Variants in PCDH9 observed in about 807,000 individuals in gnomAD.
PCDH9 encodes the protein protocadherin-9.
A neutral mutation model predicts 70.6 loss-of-function variants in PCDH9; 24 were observed. That is an observed-to-expected ratio of 0.34 (90% confidence interval 0.25 to 0.48). The LOEUF is 0.48. Ranked by LOEUF, PCDH9 falls within the 20% of genes least tolerant of loss-of-function variation. The probability of loss-of-function intolerance (pLI) is 0.99; values close to 1 mark genes in which losing one functional copy is unlikely to be tolerated. For synonymous variants in PCDH9, 562 were observed against 558.5 expected, an observed-to-expected ratio of 1.01 and a Z score of -0.09; for missense variants, 1,281 against 1,503.6, an observed-to-expected ratio of 0.85 and a Z score of 2.45.
At chr13:66,975,487 A>G (rs2083600610) in intron 2 of PCDH9, among the ~76,000 whole-genome samples, 1 of 152,084 alleles carries the variant, frequency 6.6e-6, no homozygotes, top group African/African-American at 2.4e-5. Context: ...TAGTTAGGAA[A>G]ACAAAAGCAC....
chr13:66,553,452 T>C (rs1252442442), intron 4 of PCDH9, among the ~76,000 whole-genome samples: 2 of 152,184 alleles, frequency 1.3e-5, no homozygotes, highest in Non-Finnish European at 2.9e-5. Context: ...ATGTACTAAA[T>C]TGTAGTATGT....
At chr13:66,564,898 T>A (rs2138720783) in intron 4 of PCDH9, among the ~76,000 whole-genome samples, 1 of 151,982 alleles carries the variant, frequency 6.6e-6, no homozygotes, top group Admixed American at 6.6e-5. Context: ...ACCCTGAGGA[T>A]TTCTTTGTCC....
intron 4 of PCDH9, among the ~76,000 whole-genome samples, chr13:66,361,827 G>A (rs1175525115): frequency 6.6e-6 from 1 of 152,112 alleles, no homozygotes; most frequent in African/African-American, 2.4e-5. Flanking sequence ...TGCAATGATA[G>A]CCGCTGCCTT....
intron 4 of PCDH9, among the ~76,000 whole-genome samples, chr13:66,451,482 T>G (rs927748634): frequency 6.6e-6 from 1 of 152,222 alleles, no homozygotes; most frequent in African/African-American, 2.4e-5. Flanking sequence ...TGCCTTTCTC[T>G]TCTAAATTAT....
chr13:67,173,368 T>A (rs1240825446), intron 2 of PCDH9, among the ~76,000 whole-genome samples: 1 of 152,024 alleles, frequency 6.6e-6, no homozygotes, highest in Non-Finnish European at 1.5e-5. Context: ...AATCAGAAAA[T>A]GTAGGGGTGA....
At chr13:66,588,751 C>T (rs184165512) in intron 4 of PCDH9, among the ~76,000 whole-genome samples, 15 of 151,230 alleles carry the variant, frequency 9.9e-5, no homozygotes, top group Admixed American at 8.6e-4. Flanking sequence ...TCATGAAATG[C>T]AATATAGCTG....
intron 2 of PCDH9, among the ~76,000 whole-genome samples, chr13:66,974,501 G>A (rs918373603): frequency 4.6e-5 from 7 of 151,962 alleles, no homozygotes; most frequent in Admixed American, 6.6e-5. Context: ...AGGGAAGTGG[G>A]TAGATTATAG....
intron 2 of PCDH9, among the ~76,000 whole-genome samples, chr13:67,193,403 C>G (rs1566487380): frequency 6.6e-6 from 1 of 151,734 alleles, no homozygotes; most frequent in Admixed American, 6.6e-5. Context: ...GCACTCTTCC[C>G]TTGTAACACA....
chr13:66,740,120 C>T (rs879465697), intron 3 of PCDH9, among the ~76,000 whole-genome samples: 3 of 146,746 alleles, frequency 2.0e-5, no homozygotes, highest in Non-Finnish European at 4.5e-5. Flanking sequence ...TGTAAAAGAA[C>T]AGAAATTATA....
chr13:66,415,036 T>C (rs975318029), intron 4 of PCDH9, among the ~76,000 whole-genome samples: 4 of 152,130 alleles, frequency 2.6e-5, no homozygotes, highest in African/African-American at 9.7e-5. Flanking sequence ...ATCAAAACTT[T>C]GATTCTGAAA....
In PCDH9 at chr13:66,479,355, T is replaced by G. The variant is rs184886175; in HGVS notation, c.3340+151855A>C. 3.7e-3 allele frequency among the ~76,000 whole-genome samples: 571 copies of G among 152,328 alleles called. 6 individuals carry two copies. The highest frequency in any genetic ancestry group is 5.0e-3 in the Non-Finnish European group (337 of 68,034). On this transcript the variant is annotated intron_variant, in intron 4 of 4. Transcript: ENST00000377865. ...TGCAGCTCATGGATCAAGAAGAAAT[T>G]TTGGCTTCCCGGTCATATTATTTAA... is the stretch of plus-strand genomic sequence containing the variant.
At chr13:67,089,009 A>C (rs569927028) in intron 2 of PCDH9, among the ~76,000 whole-genome samples, 1 of 152,126 alleles carries the variant, frequency 6.6e-6, no homozygotes, top group African/African-American at 2.4e-5. Flanking sequence ...ATTTTCTTGC[A>C]TATTTCCCTT....
At chr13:66,758,418 A>T (rs7321934) in intron 3 of PCDH9, among the ~76,000 whole-genome samples, 59,520 of 151,818 alleles carry the variant, frequency 0.39, 11,919 homozygotes, top group East Asian at 0.58. Context: ...TAACATTTTT[A>T]AAAGTTTTAT....
intron 4 of PCDH9, among the ~76,000 whole-genome samples, chr13:66,499,849 T>A (rs1594071476): frequency 6.6e-6 from 1 of 152,316 alleles, no homozygotes; most frequent in East Asian, 1.9e-4. Flanking sequence ...TGAGTTCTAT[T>A]ATTTCACAAG....
At chr13:66,717,265 GGC>G (rs1253834789) in intron 3 of PCDH9, among the ~76,000 whole-genome samples, 1 of 151,032 alleles carries the variant, frequency 6.6e-6, no homozygotes, top group Non-Finnish European at 1.5e-5. Flanking sequence ...AGACCAGCCT[GGC>G]CAAAATGGCG....
rs117061462 is a variant in PCDH9 at position 66,315,986 on chromosome 13, G to A, written c.3341-10958C>T. 6.3e-3 allele frequency among the ~76,000 whole-genome samples: 966 copies of A among 152,326 alleles called. 9 individuals carry two copies. Among genetic ancestry groups the A allele is most frequent in the Non-Finnish European group, 0.011 (717 of 68,022 alleles). ...AGTCTCACTGGGCTAAAGTCAAGGTGTTGAGAGGGCTGGTTCCTTCTAGAA... is the reference window on the plus strand; with the variant it reads ...AGTCTCACTGGGCTAAAGTCAAGGTATTGAGAGGGCTGGTTCCTTCTAGAA... On this transcript the variant is annotated intron_variant, in intron 4 of 4. Transcript: ENST00000377865.
intron 2 of PCDH9, among the ~76,000 whole-genome samples, chr13:67,028,188 G>T (rs1166519440): frequency 6.8e-6 from 1 of 147,024 alleles, no homozygotes; most frequent in Non-Finnish European, 1.5e-5. Flanking sequence ...AACAGTGATA[G>T]ACTGGATTAA....
At chr13:66,474,380 C>A (rs1185146134) in intron 4 of PCDH9, among the ~76,000 whole-genome samples, 1 of 152,128 alleles carries the variant, frequency 6.6e-6, no homozygotes, top group Admixed American at 6.5e-5. Context: ...AAATTCACTT[C>A]TTCTATCTAA....
intron 4 of PCDH9, among the ~76,000 whole-genome samples, chr13:66,448,364 T>C (rs1958139423): frequency 1.3e-5 from 2 of 152,220 alleles, no homozygotes; most frequent in African/African-American, 4.8e-5. Flanking sequence ...ACTGAGTGAA[T>C]GCCATGTTTT....
Sources: allele counts gnomAD v4.1 joint callset (sites outside exome capture counted in the v4.1 genomes callset), GRCh38; gene constraint gnomAD v4.1.1; transcripts MANE v1.5; gene names NCBI Gene and HGNC (gene_info 2026-07-23, HGNC 2026-07-21).